Variants in NRXN1 observed in about 807,000 individuals in gnomAD.
NRXN1 encodes neurexin 1, also known as neurexin-1.
NRXN1 carries 39 observed loss-of-function variants against 150.9 expected under a neutral mutation model. The ratio of observed to expected loss-of-function variants is 0.26; its 90% CI spans 0.20 to 0.34. NRXN1 has a LOEUF of 0.34. Among genes scored for constraint, NRXN1 ranks in the 10% least tolerant of loss-of-function variants. NRXN1 has a pLI of 1.00. For synonymous variants in NRXN1, 924 were observed against 757.0 expected, an observed-to-expected ratio of 1.22 and a Z score of -3.62; for missense variants, 1,815 against 1,949.9, an observed-to-expected ratio of 0.93 and a Z score of 1.30.
intron 5 of NRXN1, among the ~76,000 whole-genome samples, chr2:50,887,571 GT>G (rs1411626866): frequency 6.6e-6 from 1 of 151,432 alleles, no homozygotes; most frequent in Non-Finnish European, 1.5e-5. Flanking sequence ...TTTAACATCT[GT>G]GAGTTTATCT....
At chr2:50,670,921 T>A (rs1018827911) in intron 5 of NRXN1, among the ~76,000 whole-genome samples, 11 of 151,854 alleles carry the variant, frequency 7.2e-5, no homozygotes, top group African/African-American at 2.2e-4. Context: ...TTAGTTGGTG[T>A]CCGCTGTGTT....
intron 5 of NRXN1, among the ~76,000 whole-genome samples, chr2:50,686,345 A>G (rs1422083092): frequency 6.6e-6 from 1 of 152,146 alleles, no homozygotes; most frequent in Non-Finnish European, 1.5e-5. Context: ...TGACGTTGCA[A>G]CCAGAAATTG....
intron 15 of NRXN1, among the ~76,000 whole-genome samples, chr2:50,474,900 GA>G (rs2104731571): frequency 8.1e-6 from 1 of 122,824 alleles, no homozygotes; most frequent in South Asian, 2.7e-4. Flanking sequence ...TATGACACAA[GA>G]AAAAGAAGGG....
At chr2:50,430,574 A>G (rs780074191) in intron 17 of NRXN1, among the ~76,000 whole-genome samples, 2 of 152,200 alleles carry the variant, frequency 1.3e-5, no homozygotes, top group Admixed American at 1.3e-4. Context: ...TTGCAGCTAC[A>G]TTATTTAATA....
intron 15 of NRXN1, among the ~76,000 whole-genome samples, chr2:50,492,066 A>C (rs1293142299): frequency 6.6e-6 from 1 of 152,166 alleles, no homozygotes; most frequent in Non-Finnish European, 1.5e-5. Context: ...AAATTTGCCA[A>C]ATACAGGAAC....
Position 50,531,255 on chromosome 2 carries a change from T to G in NRXN1, c.2319A>C (p.Ala773=). The G allele has an allele frequency of 1.9e-6, 3 of 1,613,416 alleles. No individual in the cohort carries two copies. Among genetic ancestry groups the G allele is most frequent in the Non-Finnish European group, 2.5e-6 (3 of 1,179,636 alleles). ...SADTLRLELD[A]GRVKLTVNLD... ...GATTGACCGTCAGTTTCACACGTCC[T>G]GCGTCTAGCTCCAGGCGGAGGGTGT... Residue 773 remains alanine (A), a synonymous_variant, in exon 11 of 23, where the codon GCA becomes GCC. Transcript: ENST00000401669.
At chr2:50,033,858 C>G (rs1223198289) in intron 21 of NRXN1, among the ~76,000 whole-genome samples, 1 of 150,948 alleles carries the variant, frequency 6.6e-6, no homozygotes, top group Admixed American at 6.6e-5. Flanking sequence ...TACATGCAGC[C>G]AACAAGCATA....
intron 17 of NRXN1, among the ~76,000 whole-genome samples, chr2:50,278,982 C>T (rs1387280162): frequency 6.6e-6 from 1 of 152,128 alleles, no homozygotes; most frequent in Non-Finnish European, 1.5e-5. Flanking sequence ...TATCACAATC[C>T]ACTCATTTCC....
At chr2:50,924,325 T>C (rs1234004777) in intron 3 of NRXN1, among the ~76,000 whole-genome samples, 2 of 151,736 alleles carry the variant, frequency 1.3e-5, no homozygotes, top group African/African-American at 4.8e-5. Context: ...AATATTAAAA[T>C]TATGATTGAA....
At chr2:49,955,814 C>T (rs1674834430) in intron 21 of NRXN1, among the ~76,000 whole-genome samples, 1 of 152,068 alleles carries the variant, frequency 6.6e-6, no homozygotes, top group Admixed American at 6.6e-5. Context: ...AAGATTCACA[C>T]CAAGAAATAG....
rs184989367 is a variant in NRXN1, at chr2:50,149,762, A to G, written c.3547-58268T>C. 3.4e-4 allele frequency among the ~76,000 whole-genome samples: 51 copies of G among 151,722 alleles called. No individual in the cohort carries two copies. The East Asian group carries it at 9.7e-3, about 29-fold the overall frequency. On this transcript the variant is annotated intron_variant, in intron 18 of 22. Coordinates refer to ENST00000401669, the MANE Select transcript of NRXN1 (RefSeq NM_001330078.2). Reference sequence around the variant, plus strand: ...TAAACACCAAAAATGTTGAATATTGATTGGATTCTGTGCTTTCATCTTTGG... The same window carrying G: ...TAAACACCAAAAATGTTGAATATTGGTTGGATTCTGTGCTTTCATCTTTGG...
rs755403399 is a variant in NRXN1 at position 50,672,262 on chromosome 2, T to TA, written c.833-48648dup. ...CATCAGCTTTCAGCTATACCAATGT[T>TA]AAAAAAAAAAAGCCACAAATCACAG... On this transcript the variant is annotated intron_variant, in intron 5 of 22. Coordinates refer to ENST00000401669, the MANE Select transcript of NRXN1 (RefSeq NM_001330078.2). Among the ~76,000 whole-genome samples the TA allele has an allele frequency of 4.8e-3, 705 of 146,172 alleles. 5 individuals are homozygous for TA. The highest frequency in any genetic ancestry group is 5.6e-3 in the Non-Finnish European group (371 of 65,776).
chr2:50,740,820 C>T (rs1317436172), intron 5 of NRXN1, among the ~76,000 whole-genome samples: 1 of 152,074 alleles, frequency 6.6e-6, no homozygotes, highest in Non-Finnish European at 1.5e-5. Context: ...ATTTTGGAAT[C>T]AGAAATTGAT....
chr2:50,559,135 A>G (rs1355856727), intron 8 of NRXN1, among the ~76,000 whole-genome samples: 3 of 152,188 alleles, frequency 2.0e-5, no homozygotes, highest in Non-Finnish European at 4.4e-5. Context: ...TATTTCAAGT[A>G]CCAGAATTTA....
rs150944040 is a variant in NRXN1 at position 50,235,099 on chromosome 2, G to T, written c.3546+1690C>A. ...TTTTCTCAGAGTAAAAGTGTAATTG[G>T]TTATGGATCAATAAGTAATTTATTT... On this transcript the variant is annotated intron_variant, in intron 18 of 22. Transcript: ENST00000401669. Among the ~76,000 whole-genome samples, 3 of 152,174 alleles carry T rather than the reference G, an allele frequency of 2.0e-5. No individual in the cohort carries two copies. The East Asian group carries it at 5.8e-4, about 30-fold the overall frequency.
chr2:50,780,419 A>G (rs1476463962), intron 5 of NRXN1, among the ~76,000 whole-genome samples: 1 of 152,212 alleles, frequency 6.6e-6, no homozygotes, highest in African/African-American at 2.4e-5. Flanking sequence ...GTACTATTGT[A>G]TATGTTGCCC....
At chr2:50,660,781 C>G (rs1304220769) in intron 5 of NRXN1, among the ~76,000 whole-genome samples, 1 of 151,962 alleles carries the variant, frequency 6.6e-6, no homozygotes, top group Admixed American at 6.6e-5. Flanking sequence ...GCACTACCTC[C>G]CAGAACCTCA....
intron 8 of NRXN1, among the ~76,000 whole-genome samples, chr2:50,617,299 G>A (rs1041945796): frequency 2.0e-5 from 3 of 152,022 alleles, no homozygotes; most frequent in African/African-American, 7.2e-5. Flanking sequence ...GCTGGGTGTG[G>A]TGGTGCATGC....
At chr2:50,106,784 A>G (rs1395834471) in intron 18 of NRXN1, among the ~76,000 whole-genome samples, 2 of 152,022 alleles carry the variant, frequency 1.3e-5, no homozygotes, top group Admixed American at 1.3e-4. Context: ...TTTTCAAGAA[A>G]GATTTATAAA....
Sources: allele counts gnomAD v4.1 joint callset (sites outside exome capture counted in the v4.1 genomes callset), GRCh38; gene constraint gnomAD v4.1.1; transcripts MANE v1.5; gene names NCBI Gene and HGNC (gene_info 2026-07-23, HGNC 2026-07-21).